PDE8B: variants seen among roughly 807,000 people sequenced by gnomAD.
The protein encoded by PDE8B is high affinity cAMP-specific and IBMX-insensitive 3',5'-cyclic phosphodiesterase 8B.
A neutral mutation model predicts 101.3 loss-of-function variants in PDE8B; 26 were observed. That is an observed-to-expected ratio of 0.26 (90% CI 0.19 to 0.36). PDE8B has a LOEUF of 0.36. Among genes scored for constraint, PDE8B ranks in the 10% least tolerant of loss-of-function variants. The pLI, the probability that PDE8B is intolerant of heterozygous loss-of-function variation, is 1.00. For missense variants in PDE8B, 810 were observed against 1,163.1 expected (o/e 0.70, Z 4.42); for synonymous variants, 424 against 429.3 (o/e 0.99, Z 0.15).
intron 17 of PDE8B, among the ~76,000 whole-genome samples, chr5:77,415,596 T>A (rs1795373894): frequency 1.3e-5 from 2 of 152,040 alleles, no homozygotes; most frequent in African/African-American, 4.8e-5. Flanking sequence ...TGACCTCAGA[T>A]AATCCACCCA....
chr5:77,404,006 G>A (rs1792866692), intron 11 of PDE8B, among the ~76,000 whole-genome samples: 1 of 150,092 alleles, frequency 6.7e-6, no homozygotes, highest in African/African-American at 2.5e-5. Flanking sequence ...GTTTTTTTGA[G>A]ACAGTCTCGC....
At chr5:77,129,709 A>G in the PDE8B span, among the ~76,000 whole-genome samples, 2 of 152,232 alleles carry the variant, frequency 1.3e-5, no homozygotes, top group East Asian at 1.9e-4. Flanking sequence ...TTGGAATATC[A>G]TTCATTTTTC....
At chr5:77,426,216 A>G (rs1402261891) in intron 21 of PDE8B, 2 of 603,720 alleles carry the variant, frequency 3.3e-6, no homozygotes, top group Non-Finnish European at 5.9e-6. Flanking sequence ...AAATGTATTT[A>G]GTTTACTCTG....
At chr5:77,421,681 T>A in intron 19 of PDE8B, 140 bp from the exon 20 acceptor site, 1 of 755,592 alleles carries the variant, frequency 1.3e-6, no homozygotes, top group Non-Finnish European at 2.3e-6. Flanking sequence ...TATATGGAAT[T>A]TAAAAAAGGA....
At chr5:77,202,562 T>C in the PDE8B span, among the ~76,000 whole-genome samples, 1 of 152,236 alleles carries the variant, frequency 6.6e-6, no homozygotes, top group African/African-American at 2.4e-5. Context: ...ATACTACATA[T>C]AACATGTAAA....
intron 1 of PDE8B, among the ~76,000 whole-genome samples, chr5:77,309,279 G>A (rs931718224): frequency 6.6e-6 from 1 of 152,010 alleles, no homozygotes; most frequent in Non-Finnish European, 1.5e-5. Flanking sequence ...GAAAGAAAGA[G>A]AGAAAGAAAA....
At chr5:77,245,852 C>T (rs1327360360) in intron 1 of PDE8B, among the ~76,000 whole-genome samples, 5 of 72,820 alleles carry the variant, frequency 6.9e-5, no homozygotes, top group Non-Finnish European at 1.2e-4. Context: ...CCCCCCCGCC[C>T]CCCCCCCCCA....
At chr5:77,159,944 C>A in the PDE8B span, among the ~76,000 whole-genome samples, 1 of 152,158 alleles carries the variant, frequency 6.6e-6, no homozygotes, top group African/African-American at 2.4e-5. Context: ...CTTCCCAGGA[C>A]AGAAGCACAT....
At chr5:77,295,318 G>T (rs1768281795) in intron 1 of PDE8B, among the ~76,000 whole-genome samples, 1 of 152,172 alleles carries the variant, frequency 6.6e-6, no homozygotes, top group East Asian at 1.9e-4. Flanking sequence ...GGAACCTTCT[G>T]ACAATTACTG....
At chr5:77,302,915 T>C (rs888017932) in intron 1 of PDE8B, among the ~76,000 whole-genome samples, 1 of 152,158 alleles carries the variant, frequency 6.6e-6, no homozygotes, top group Admixed American at 6.5e-5. Context: ...CACAGTGCAG[T>C]TACTCATCTT....
chr5:77,376,442 C>A (rs544973701), intron 10 of PDE8B, among the ~76,000 whole-genome samples: 1 of 152,184 alleles, frequency 6.6e-6, no homozygotes, highest in African/African-American at 2.4e-5. Flanking sequence ...ATATGCTCAA[C>A]AAACACCTGC....
chr5:77,369,582 G>T (rs1379445660), intron 10 of PDE8B, among the ~76,000 whole-genome samples: 1 of 152,174 alleles, frequency 6.6e-6, no homozygotes, highest in Non-Finnish European at 1.5e-5. Flanking sequence ...TTTGGGACAG[G>T]CCCTAGACTG....
chr5:77,218,029 A>G (rs1750184000), intron 1 of PDE8B, among the ~76,000 whole-genome samples: 1 of 152,184 alleles, frequency 6.6e-6, no homozygotes, highest in African/African-American at 2.4e-5. Context: ...ATGCACAGAA[A>G]AGTAGTTCCT....
At chr5:77,263,159 C>A (rs1760983287) in intron 1 of PDE8B, among the ~76,000 whole-genome samples, 1 of 152,056 alleles carries the variant, frequency 6.6e-6, no homozygotes, top group Non-Finnish European at 1.5e-5. Flanking sequence ...ACAGAGGCCA[C>A]CAAGGAGAGT....
Position 77,249,365 on chromosome 5 carries a change from A to T in PDE8B, c.339+38101A>T, listed in dbSNP as rs180990864. Among the ~76,000 whole-genome samples, 758 of 152,324 alleles carry T rather than the reference A, an allele frequency of 5.0e-3. 3 individuals carry two copies. The highest frequency in any genetic ancestry group is 8.6e-3 in the Non-Finnish European group (582 of 68,032). On this transcript the variant is annotated intron_variant, in intron 1 of 21. Coordinates refer to ENST00000264917, the MANE Select transcript of PDE8B (RefSeq NM_003719.5). ...AGGCAAGAAAATTCAAGCTCAAGAGAGGTTGAATGAGTTATCTAAAGCCAC... is the reference window on the plus strand; with the variant it reads ...AGGCAAGAAAATTCAAGCTCAAGAGTGGTTGAATGAGTTATCTAAAGCCAC...
At chr5:77,097,738 C>CTATATATATATATCT in the PDE8B span, among the ~76,000 whole-genome samples, 4 of 58,448 alleles carry the variant, frequency 6.8e-5, no homozygotes, top group South Asian at 8.9e-4. Context: ...TATATACATA[C>CTATATATATATATCT]ATATGACCAG....
At chr5:77,394,853 G>A (rs1236856433) in intron 10 of PDE8B, among the ~76,000 whole-genome samples, 1 of 152,062 alleles carries the variant, frequency 6.6e-6, no homozygotes, top group Non-Finnish European at 1.5e-5. Flanking sequence ...TTGCAGCAGG[G>A]GATTGAGCCA....
the PDE8B span, among the ~76,000 whole-genome samples, chr5:77,157,702 G>A: frequency 6.6e-6 from 1 of 152,216 alleles, no homozygotes; most frequent in Admixed American, 6.5e-5. Context: ...GAATGAATTA[G>A]TAATATTCTA....
At chr5:77,340,095 A>G (rs541252314) in intron 6 of PDE8B, among the ~76,000 whole-genome samples, 297 of 152,312 alleles carry the variant, frequency 1.9e-3, no homozygotes, top group Middle Eastern at 3.4e-3. Context: ...TAAAATAAAG[A>G]TAATTATTTA....
Sources: gnomAD v4.1 joint callset for allele counts (sites outside exome capture counted in the v4.1 genomes callset) on GRCh38, gnomAD v4.1.1 for gene constraint, MANE v1.5 for transcripts, NCBI Gene and HGNC (gene_info 2026-07-23, HGNC 2026-07-21) for gene names.